TPRN: variants seen among roughly 807,000 people sequenced by gnomAD.
The protein encoded by TPRN is chromosome 9 open reading frame 75.
A neutral mutation model predicts 42.6 loss-of-function variants in TPRN; 32 were observed. That is an observed-to-expected ratio of 0.75 (90% CI 0.57 to 1.01). The LOEUF (loss-of-function observed/expected upper bound fraction) is 1.01, where lower values mean the gene tolerates loss of function less well. Among genes scored for constraint, TPRN ranks in the 50% least tolerant of loss-of-function variants. The pLI, the probability that TPRN is intolerant of heterozygous loss-of-function variation, is 0.00. For missense variants in TPRN, 1,095 were observed against 957.5 expected, an observed-to-expected ratio of 1.14 and a Z score of -1.90; for synonymous variants, 541 against 445.6, an observed-to-expected ratio of 1.21 and a Z score of -2.70.
In TPRN at chr9:137,199,281, G is replaced by A. The variant is rs759039637; in HGVS notation, c.1431C>T (p.His477=). ...PQAAKLPYLP[H]PARPLHPARP... ...TGGCAGGGTGCAGAGGCCTGGCAGG[G>A]TGCGGGAGGTAGGGTAGTTTGGCTG... Residue 477 remains histidine, a synonymous_variant, in exon 1 of 4, where the codon CAC becomes CAT. Coordinates refer to ENST00000409012, the MANE Select transcript of TPRN (RefSeq NM_001128228.3). 10 of 1,612,526 alleles carry A rather than the reference G, an allele frequency of 6.2e-6. No individual in the cohort carries two copies. The African/African-American group carries it at 6.7e-5, about 11-fold the overall frequency.
Position 137,200,557 on chromosome 9 carries a change from C to A in TPRN, c.155G>T (p.Ser52Ile), listed in dbSNP as rs1476660069. 1 of 1,155,644 alleles carries A rather than the reference C, an allele frequency of 8.7e-7. No homozygotes were observed. Among genetic ancestry groups the A allele is most frequent in the Non-Finnish European group, 1.1e-6 (1 of 941,908 alleles). 71.6% of individuals were successfully genotyped at this position (1,155,644 alleles called of 1,614,324 possible). ...AEPEQRVLAE[S>I]LGPLRENPFM... is the part of the protein sequence containing the mutation. Reference sequence around the variant, plus strand: ...CGGGTTCTCGCGCAGCGGGCCCAGGCTCTCGGCCAGCACCCGCTGCTCGGG... The same window carrying A: ...CGGGTTCTCGCGCAGCGGGCCCAGGATCTCGGCCAGCACCCGCTGCTCGGG... Residue 52 changes from serine to isoleucine, a missense_variant, in exon 1 of 4, where the codon AGC (serine) becomes ATC (isoleucine). Ser to Ile is a moderately radical substitution (Grantham distance 142). Transcript: ENST00000409012. The surrounding 1 kb of genome is among the most constrained non-coding windows in gnomAD (Gnocchi z 4.3).
At chr9:137,193,210 T>G in intron 1 of TPRN, 1 of 173,016 alleles carries the variant, frequency 5.8e-6, no homozygotes, top group South Asian at 1.3e-4. Context: ...ACTGGATGCC[T>G]GGACAATCCA....
chr9:137,192,825 T>G (rs1321881673), intron 1 of TPRN, 134 bp from the exon 2 acceptor site: 1 of 945,834 alleles, frequency 1.1e-6, no homozygotes, highest in Non-Finnish European at 1.6e-6. Flanking sequence ...TTCCGGGGGC[T>G]CCAGGAGGGG....
rs770844698 is a variant in TPRN at position 137,198,978 on chromosome 9, A to C, written c.1725+9T>G. On this transcript the variant is annotated intron_variant, in intron 1 of 3. Coordinates refer to ENST00000409012, the MANE Select transcript of TPRN (RefSeq NM_001128228.3). ...CCTGCCAGCCAGTGGCCCTGCCCCCACCACTGACCTTCTTTCTTGAGGAGC... is the reference window on the plus strand; with the variant it reads ...CCTGCCAGCCAGTGGCCCTGCCCCCCCCACTGACCTTCTTTCTTGAGGAGC... 5 of 1,612,696 alleles carry C rather than the reference A, an allele frequency of 3.1e-6. No individual in the cohort carries two copies. The highest frequency in any genetic ancestry group is 4.2e-6 in the Non-Finnish European group (5 of 1,179,916).
rs1834783629 is a variant in TPRN at position 137,200,206 on chromosome 9, G to C, written c.506C>G (p.Pro169Arg). 1 of 950,692 alleles carries C rather than the reference G, an allele frequency of 1.1e-6. No homozygotes were observed. The highest frequency in any genetic ancestry group is 1.8e-5 in the African/African-American group (1 of 55,290). The allele number at this position is 950,692 out of a possible 1,614,324, so 58.9% of individuals were successfully genotyped here. A position where few individuals can be genotyped will look rare whatever the true frequency, so the allele number is the denominator to read the frequency against. Residue 169 changes from proline (P) to arginine (R), a missense_variant, in exon 1 of 4, where the codon CCC becomes CGC. Transcript: ENST00000409012. This position sits in a 1 kb window ranked among gnomAD's most constrained non-coding sequence, Gnocchi z 4.3. ...PPPPPPAPPR[P>R]PPAAPSPPAA... ...GGGCGGGCTGGGGGCCGCGGGCGGG[G>C]GCCGGGGCGGCGCGGGCGGCGGCGG...
intron 2 of TPRN, 26 bp from the exon 3 acceptor site, chr9:137,192,391 C>G: frequency 6.2e-7 from 1 of 1,612,682 alleles, no homozygotes; most frequent in East Asian, 2.2e-5. Flanking sequence ...CACATGCAGA[C>G]GTGGACACAG....
Position 137,191,787 on chromosome 9 carries a change from A to G in TPRN, c.*325T>C, listed in dbSNP as rs988610682. 6.7e-6 allele frequency: 3 copies of G among 446,830 alleles called. No individual in the cohort carries two copies. Among genetic ancestry groups the G allele is most frequent in the African/African-American group, 2.0e-5 (1 of 49,972 alleles). The allele number at this position is 446,830 out of a possible 1,614,324, so 27.7% of individuals were successfully genotyped here. On this transcript the variant is annotated 3_prime_UTR_variant, in exon 4 of 4. Transcript: ENST00000409012. Reference sequence around the variant, plus strand: ...GGCCACTGTGAGGCAGGCTGAGGAGACAGGACAGGGAATGGCCAGGTGCAG... The same window carrying G: ...GGCCACTGTGAGGCAGGCTGAGGAGGCAGGACAGGGAATGGCCAGGTGCAG...
In TPRN at chr9:137,199,250, C is replaced by T. The variant is rs376794683; in HGVS notation, c.1462G>A (p.Gly488Arg). The change falls in exon 1 of 4, where the codon GGG becomes AGG. Residue 488 changes from glycine to arginine, a missense_variant. Gly to Arg is a moderately radical substitution (Grantham distance 125). Transcript: ENST00000409012. ...CGGGGCTGAAGCTCTGCCACGCACC[C>T]GGGCCTGGCAGGGTGCAGAGGCCTG... ...PARPLHPARP[G>R]CVAELQPRGS... 360 of 1,612,868 alleles carry T rather than the reference C, an allele frequency of 2.2e-4. No homozygotes were observed. The highest frequency in any genetic ancestry group is 2.7e-4 in the Non-Finnish European group (317 of 1,180,008).
intron 1 of TPRN, among the ~76,000 whole-genome samples, chr9:137,197,929 G>T (rs1426167928): frequency 6.6e-6 from 1 of 152,226 alleles, no homozygotes; most frequent in Non-Finnish European, 1.5e-5. Flanking sequence ...GTTCCAGGAG[G>T]GGAGTATGGC....
Position 137,192,190 on chromosome 9 carries a change from CAG to C in TPRN, c.2074-18_2074-17del. 6.2e-7 allele frequency: 1 copy of C among 1,613,504 alleles called. No homozygotes were observed. Among genetic ancestry groups the C allele is most frequent in the Non-Finnish European group, 8.5e-7 (1 of 1,180,010 alleles). Reference sequence around the variant, plus strand: ...CGGGTGTGAGCTGAAAGTGAGAGGACAGAATGTGGACACATGGGCTCGCCCGG... The same window carrying C: ...CGGGTGTGAGCTGAAAGTGAGAGGACAATGTGGACACATGGGCTCGCCCGG... On this transcript the variant is annotated splice_polypyrimidine_tract_variant and intron_variant, in intron 3 of 3. Coordinates refer to ENST00000409012, the MANE Select transcript of TPRN (RefSeq NM_001128228.3).
At position 137,192,563 on chromosome 9, in the gene TPRN, C is replaced by T. The variant is rs1199182421; in HGVS notation, c.1854G>A (p.Glu618=). 6.2e-7 allele frequency: 1 copy of T among 1,611,450 alleles called. No individual in the cohort carries two copies. The change falls in exon 2 of 4, where the codon GAG becomes GAA. Residue 618 remains glutamate, a synonymous_variant. Transcript: ENST00000409012. ...CCTCTGAGCCGGATCCCTCTTCCTCCTCTTCCTCTTCCTCCTCCTCCTCCT... is the reference window on the plus strand; with the variant it reads ...CCTCTGAGCCGGATCCCTCTTCCTCTTCTTCCTCTTCCTCCTCCTCCTCCT... ...EEEEEEEEEE[E]EEEGSGSEEK... is the part of the protein sequence containing the mutation.
At position 137,192,666 on chromosome 9, in the gene TPRN, C is replaced by T. The variant is rs1299249261; in HGVS notation, c.1751G>A (p.Ser584Asn). 1 of 1,613,830 alleles carries T rather than the reference C, an allele frequency of 6.2e-7. No individual in the cohort carries two copies. Among genetic ancestry groups the T allele is most frequent in the Non-Finnish European group, 8.5e-7 (1 of 1,179,972 alleles). The change falls in exon 2 of 4, where the codon AGC becomes AAC. Residue 584 changes from serine to asparagine, a missense_variant. Physicochemically the swap from Ser to Asn is conservative, Grantham distance 46. Transcript: ENST00000409012. ...AGGGTACTCAAATGTGGTCTGCAGG[C>T]TTTTGTCGTTGAAGGAGATCTTCAT... ...KKMKISFNDK[S>N]LQTTFEYPSE...
In TPRN at chr9:137,195,894, G is replaced by A. The variant is rs1248444377; in HGVS notation, c.1725+3093C>T. On this transcript the variant is annotated intron_variant, in intron 1 of 3. Coordinates refer to ENST00000409012, the MANE Select transcript of TPRN (RefSeq NM_001128228.3). ...AGCCCGGGCGTGGCTGCAGCACACA[G>A]CAGTCTGCTCCAAGCTCAGCCCTGC... Among the ~76,000 whole-genome samples, 5 of 152,190 alleles carry A rather than the reference G, an allele frequency of 3.3e-5. No homozygotes were observed. In the East Asian group the frequency reaches 9.6e-4, roughly 29 times the overall value.
intron 1 of TPRN, among the ~76,000 whole-genome samples, chr9:137,197,615 C>T (rs1021150459): frequency 1.3e-5 from 2 of 152,256 alleles, no homozygotes; most frequent in African/African-American, 4.8e-5. Flanking sequence ...GAGCTGTCCC[C>T]ACTGCCACCT....
Position 137,200,557 on chromosome 9 carries a change from C to T in TPRN, c.155G>A (p.Ser52Asn), listed in dbSNP as rs1476660069. 1 of 1,155,644 alleles carries T rather than the reference C, an allele frequency of 8.7e-7. No homozygotes were observed. Among genetic ancestry groups the T allele is most frequent in the Non-Finnish European group, 1.1e-6 (1 of 941,908 alleles). The allele number at this position is 1,155,644 out of a possible 1,614,324, so 71.6% of individuals were successfully genotyped here. A position where few individuals can be genotyped will look rare whatever the true frequency, so the allele number is the denominator to read the frequency against. Residue 52 changes from serine (S) to asparagine (N), a missense_variant, in exon 1 of 4, where the codon AGC becomes AAC. Transcript: ENST00000409012. This position sits in a 1 kb window ranked among gnomAD's most constrained non-coding sequence, Gnocchi z 4.3. ...CGGGTTCTCGCGCAGCGGGCCCAGG[C>T]TCTCGGCCAGCACCCGCTGCTCGGG... ...AEPEQRVLAESLGPLRENPFM... is the reference protein window; with the variant it reads ...AEPEQRVLAENLGPLRENPFM...
Position 137,199,815 on chromosome 9 carries a change from T to A in TPRN, c.897A>T (p.Ile299=), listed in dbSNP as rs771154279. The change falls in exon 1 of 4, where the codon ATA becomes ATT. Residue 299 remains isoleucine (I), a synonymous_variant. Transcript: ENST00000409012. ...AATSTNDSFE[I]RPAPKPVMET... is the part of the protein sequence containing the mutation. ...CCATAACTGGCTTGGGGGCCGGCCG[T>A]ATCTCGAAGGAGTCGTTGGTGCTGG... The A allele has an allele frequency of 2.5e-6, 4 of 1,592,524 alleles. No individual in the cohort carries two copies. In the East Asian group the frequency reaches 9.1e-5, roughly 36 times the overall value.
rs768048029 is a variant in TPRN at position 137,192,086 on chromosome 9, C to T, written c.*26G>A. On this transcript the variant is annotated 3_prime_UTR_variant, in exon 4 of 4. Coordinates refer to ENST00000409012, the MANE Select transcript of TPRN (RefSeq NM_001128228.3). ...CTTCCGGGACTCCCACAGCTGGGCT[C>T]AGCCTTGGTCCTGGCAGTGCTGGGC... 2.2e-5 allele frequency: 36 copies of T among 1,610,380 alleles called. No individual in the cohort carries two copies. Among genetic ancestry groups the T allele is most frequent in the Non-Finnish European group, 2.9e-5 (34 of 1,179,958 alleles).
At chr9:137,192,867 G>A (rs909939725) in intron 1 of TPRN, 176 bp from the exon 2 acceptor site, 11 of 660,662 alleles carry the variant, frequency 1.7e-5, no homozygotes, top group East Asian at 2.7e-5. Context: ...CCCTGCAGGC[G>A]TCCATCCCTC....
Position 137,200,244 on chromosome 9 carries a change from G to GT in TPRN, c.467_468insA (p.Pro159AlafsTer71). The GT allele has an allele frequency of 1.0e-6, 1 of 972,676 alleles. No homozygotes were observed. Among genetic ancestry groups the GT allele is most frequent in the Non-Finnish European group, 1.2e-6 (1 of 822,464 alleles). 60.3% of individuals were successfully genotyped at this position (972,676 alleles called of 1,614,324 possible). ...CGGGCGGCGGCGGCGGCGGCGGGGG[G>GT]CGGGCGCGCTCGGGGCTCCCGCGGC... On this transcript the variant is annotated frameshift_variant, in exon 1 of 4. Coordinates refer to ENST00000409012, the MANE Select transcript of TPRN (RefSeq NM_001128228.3). LOFTEE classifies it high-confidence loss of function. This position sits in a 1 kb window ranked among gnomAD's most constrained non-coding sequence, Gnocchi z 4.3.
Sources: allele counts gnomAD v4.1 joint callset (sites outside exome capture counted in the v4.1 genomes callset), GRCh38; gene constraint gnomAD v4.1.1; non-coding constraint Gnocchi (gnomAD v3.1); transcripts MANE v1.5; gene names NCBI Gene and HGNC (gene_info 2026-07-23, HGNC 2026-07-21).